Variants in LOC122539214 observed in about 807,000 individuals in gnomAD.
the LOC122539214 span, among the ~76,000 whole-genome samples, chr19:52,667,831 G>C: frequency 6.6e-6 from 1 of 152,070 alleles, no homozygotes; most frequent in South Asian, 2.1e-4. Flanking sequence ...TGTCTACAAG[G>C]TTTTATTAAA....
chr19:52,680,602 AAAT>A, the LOC122539214 span, among the ~76,000 whole-genome samples: 17,697 of 134,136 alleles, frequency 0.13, 1,582 homozygotes, highest in East Asian at 0.26. Flanking sequence ...CTTTTCCACA[AAAT>A]ATTTTTTTTT....
the LOC122539214 span, chr19:52,654,486 C>T: frequency 3.6e-6 from 2 of 555,710 alleles, no homozygotes; most frequent in African/African-American, 2.0e-5. Context: ...TAATATTACA[C>T]AAAAAGCAAT....
chr19:52,663,949 C>G, the LOC122539214 span, among the ~76,000 whole-genome samples: 1 of 152,034 alleles, frequency 6.6e-6, no homozygotes, highest in South Asian at 2.1e-4. Flanking sequence ...TGCAGTTATG[C>G]GATCTCGGCT....
chr19:52,655,349 G>A, the LOC122539214 span: 1 of 480,386 alleles, frequency 2.1e-6, no homozygotes, highest in Non-Finnish European at 3.7e-6. Flanking sequence ...TAGTCAAAGT[G>A]TTCATGAATG....
At chr19:52,680,606 ATTTTTTTTT>A in the LOC122539214 span, among the ~76,000 whole-genome samples, 62 of 88,964 alleles carry the variant, frequency 7.0e-4, no homozygotes, top group Non-Finnish European at 1.2e-3. Flanking sequence ...TCCACAAAAT[ATTTTTTTTT>A]TTTTTTTTTT....
At chr19:52,665,351 C>A in the LOC122539214 span, among the ~76,000 whole-genome samples, 1 of 152,126 alleles carries the variant, frequency 6.6e-6, no homozygotes, top group African/African-American at 2.4e-5. Flanking sequence ...GAAGTCCAGG[C>A]CAGCCTGGGC....
chr19:52,666,832 T>C, the LOC122539214 span, among the ~76,000 whole-genome samples: 1 of 152,184 alleles, frequency 6.6e-6, no homozygotes, highest in African/African-American at 2.4e-5. Flanking sequence ...GACAGGACTA[T>C]ACAGGGTTTC....
At chr19:52,666,232 G>A in the LOC122539214 span, among the ~76,000 whole-genome samples, 1 of 151,338 alleles carries the variant, frequency 6.6e-6, no homozygotes, top group Admixed American at 6.6e-5. Context: ...AGACAAAAAG[G>A]GAGTCAAAGA....
chr19:52,680,012 G>A, the LOC122539214 span, among the ~76,000 whole-genome samples: 603 of 152,084 alleles, frequency 4.0e-3, 1 homozygote, highest in African/African-American at 0.014. Flanking sequence ...AAGTCCTGTC[G>A]CTACTAAAAA....
the LOC122539214 span, among the ~76,000 whole-genome samples, chr19:52,660,099 G>A: frequency 6.6e-6 from 1 of 152,108 alleles, no homozygotes; most frequent in African/African-American, 2.4e-5. Flanking sequence ...GCTGAGGCAG[G>A]AGAATTGCGG....
At chr19:52,689,977 G>GC in the LOC122539214 span, among the ~76,000 whole-genome samples, 1 of 152,188 alleles carries the variant, frequency 6.6e-6, no homozygotes, top group Non-Finnish European at 1.5e-5. Context: ...GAGGGAGGTG[G>GC]GGGGCGACGG....
At chr19:52,667,691 A>C in the LOC122539214 span, among the ~76,000 whole-genome samples, 1 of 152,246 alleles carries the variant, frequency 6.6e-6, no homozygotes, top group Non-Finnish European at 1.5e-5. Context: ...TTTTCTGTGA[A>C]CTGGATATTA....
the LOC122539214 span, among the ~76,000 whole-genome samples, chr19:52,656,207 C>T: frequency 4.5e-5 from 4 of 88,666 alleles, no homozygotes; most frequent in Non-Finnish European, 6.3e-5. Flanking sequence ...AGTGAGACTC[C>T]GTCTCTCTCT....
chr19:52,678,414 CA>C, the LOC122539214 span, among the ~76,000 whole-genome samples: 1 of 137,774 alleles, frequency 7.3e-6, no homozygotes, highest in East Asian at 2.2e-4. Flanking sequence ...TGCACCATTG[CA>C]CTCCAGCCTG....
At chr19:52,654,372 T>G in the LOC122539214 span, 1 of 1,223,764 alleles carries the variant, frequency 8.2e-7, no homozygotes, top group East Asian at 2.4e-5. Flanking sequence ...GCCCTGTTGA[T>G]GAGAACTCCG....
At chr19:52,682,083 T>G in the LOC122539214 span, among the ~76,000 whole-genome samples, 1 of 152,092 alleles carries the variant, frequency 6.6e-6, no homozygotes, top group African/African-American at 2.4e-5. Context: ...CCCGACCTCA[T>G]GATTCACCCT....
the LOC122539214 span, chr19:52,653,942 A>G: frequency 2.4e-5 from 28 of 1,159,402 alleles, no homozygotes; most frequent in Non-Finnish European, 3.4e-5. Flanking sequence ...ATTTGTGTCA[A>G]TAATGAAGAA....
At chr19:52,684,328 T>C in the LOC122539214 span, among the ~76,000 whole-genome samples, 1 of 151,942 alleles carries the variant, frequency 6.6e-6, no homozygotes, top group Non-Finnish European at 1.5e-5. Context: ...ATCACACCAC[T>C]ACACTCCAGC....
the LOC122539214 span, among the ~76,000 whole-genome samples, chr19:52,668,955 CTCCCAACACTA>C: frequency 6.6e-6 from 1 of 152,196 alleles, no homozygotes; most frequent in South Asian, 2.1e-4. Flanking sequence ...CAGCTTCCAA[CTCCCAACACTA>C]AGTTCACTTT....
Sources: gnomAD v4.1 joint callset for allele counts (sites outside exome capture counted in the v4.1 genomes callset) on GRCh38, gnomAD v4.1.1 for gene constraint, MANE v1.5 for transcripts.